Variants in PDE4D observed in about 807,000 individuals in gnomAD.
PDE4D encodes phosphodiesterase 4D.
PDE4D carries 24 observed loss-of-function variants against 87.4 expected under a neutral mutation model. The observed-to-expected ratio is 0.27, with a 90% CI of 0.20 to 0.39. The LOEUF (loss-of-function observed/expected upper bound fraction) is 0.39, where lower values mean the gene tolerates loss of function less well. Ranked by LOEUF, PDE4D falls within the 10% of genes least tolerant of loss-of-function variation. The pLI, the probability that PDE4D is intolerant of heterozygous loss-of-function variation, is 1.00. For missense variants in PDE4D, 714 were observed against 1,041.0 expected (o/e 0.69, Z 4.32); for synonymous variants, 384 against 383.2 (o/e 1.00, Z -0.02).
chr5:59,574,074 A>ATATATATT (rs1822475927), intron 1 of PDE4D, among the ~76,000 whole-genome samples: 6 of 16,160 alleles, frequency 3.7e-4, no homozygotes, highest in Admixed American at 1.4e-3. Context: ...ATATATATTT[A>ATATATATT]TATATATATT....
At chr5:59,837,748 AC>A (rs1349609375) in intron 1 of PDE4D, among the ~76,000 whole-genome samples, 23 of 152,086 alleles carry the variant, frequency 1.5e-4, no homozygotes, top group African/African-American at 5.3e-4. Context: ...CCAAGGACAT[AC>A]TAACAGATTC....
chr5:59,197,183 AAC>A (rs1336829517), intron 2 of PDE4D, among the ~76,000 whole-genome samples: 1 of 152,148 alleles, frequency 6.6e-6, no homozygotes, highest in African/African-American at 2.4e-5. Context: ...AATCTTTCAA[AAC>A]TCAAAAGGGT....
chr5:59,198,288 A>C (rs1745918659), intron 2 of PDE4D, among the ~76,000 whole-genome samples: 1 of 151,720 alleles, frequency 6.6e-6, no homozygotes. Flanking sequence ...TCAGAAAAAA[A>C]GTCATTTTGA....
chr5:60,165,460 G>A (rs1303044292), intron 2 of PDE4D, among the ~76,000 whole-genome samples: 2 of 152,014 alleles, frequency 1.3e-5, no homozygotes, highest in African/African-American at 2.4e-5. Flanking sequence ...CTCCAGCTTT[G>A]TGCTTTCTGC....
intron 1 of PDE4D, among the ~76,000 whole-genome samples, chr5:59,766,602 A>T (rs745675464): frequency 1.2e-4 from 19 of 152,328 alleles, no homozygotes; most frequent in Non-Finnish European, 2.2e-4. Flanking sequence ...CAATTTAGGA[A>T]CTGCAGTGAT....
chr5:59,472,262 C>G (rs1279364723), intron 1 of PDE4D, among the ~76,000 whole-genome samples: 1 of 152,134 alleles, frequency 6.6e-6, no homozygotes, highest in African/African-American at 2.4e-5. Context: ...TATTTGAAAT[C>G]ATACCACATA....
intron 1 of PDE4D, among the ~76,000 whole-genome samples, chr5:59,339,800 T>G (rs541374460): frequency 1.3e-5 from 2 of 152,328 alleles, no homozygotes; most frequent in South Asian, 4.1e-4. Context: ...AAAAGGTCAC[T>G]GAATTCAAAA....
intron 3 of PDE4D, among the ~76,000 whole-genome samples, chr5:59,189,700 A>T (rs946953428): frequency 3.9e-5 from 6 of 152,164 alleles, no homozygotes; most frequent in African/African-American, 1.4e-4. Flanking sequence ...CTCCAGTGGG[A>T]TTCCTCTCTA....
At chr5:60,477,496 A>G (rs1263388961) in intron 1 of PDE4D, among the ~76,000 whole-genome samples, 3 of 152,208 alleles carry the variant, frequency 2.0e-5, no homozygotes, top group Non-Finnish European at 2.9e-5. Flanking sequence ...CACAGTATGT[A>G]AAAGTTAAAT....
At chr5:59,509,377 G>A (rs1809866453) in intron 1 of PDE4D, among the ~76,000 whole-genome samples, 1 of 146,096 alleles carries the variant, frequency 6.8e-6, no homozygotes, top group Non-Finnish European at 1.5e-5. Flanking sequence ...AGTCACTAGA[G>A]AAACTTCTAA....
At chr5:59,614,699 C>T (rs1829441059) in intron 1 of PDE4D, among the ~76,000 whole-genome samples, 1 of 152,166 alleles carries the variant, frequency 6.6e-6, no homozygotes, top group Non-Finnish European at 1.5e-5. Context: ...TTCAGTGTGA[C>T]TTTCCTTTAA....
intron 1 of PDE4D, among the ~76,000 whole-genome samples, chr5:59,806,104 A>G (rs1467622422): frequency 6.6e-6 from 1 of 152,202 alleles, no homozygotes; most frequent in African/African-American, 2.4e-5. Flanking sequence ...AGCCAGTTCA[A>G]TAAACCACTG....
At chr5:59,591,445 C>G (rs1284439043) in intron 1 of PDE4D, among the ~76,000 whole-genome samples, 2 of 152,082 alleles carry the variant, frequency 1.3e-5, no homozygotes, top group African/African-American at 4.8e-5. Context: ...CATTGATTTT[C>G]CCTGAGTTTC....
chr5:59,863,033 G>A (rs774319241), intron 1 of PDE4D, among the ~76,000 whole-genome samples: 3 of 152,124 alleles, frequency 2.0e-5, no homozygotes, highest in African/African-American at 7.2e-5. Flanking sequence ...AACTCTTATC[G>A]TGTTCTTAAG....
intron 1 of PDE4D, among the ~76,000 whole-genome samples, chr5:60,215,131 T>C (rs1430143196): frequency 6.6e-6 from 1 of 152,190 alleles, no homozygotes; most frequent in East Asian, 1.9e-4. Flanking sequence ...TGTAGCGATT[T>C]CTATGATTCA....
chr5:59,681,629 G>A (rs552856320), intron 1 of PDE4D, among the ~76,000 whole-genome samples: 3 of 152,020 alleles, frequency 2.0e-5, no homozygotes, highest in Non-Finnish European at 4.4e-5. Context: ...GGCCAGGTGC[G>A]GTGGCTAAGG....
At chr5:59,393,083 A>G (rs1422330644) in intron 1 of PDE4D, among the ~76,000 whole-genome samples, 2 of 152,180 alleles carry the variant, frequency 1.3e-5, no homozygotes, top group African/African-American at 4.8e-5. Flanking sequence ...TCTAGACTGG[A>G]TAATTAGGAA....
At chr5:59,430,165 C>T in intron 1 of PDE4D, 1 of 796,890 alleles carries the variant, frequency 1.3e-6, no homozygotes, top group East Asian at 3.4e-5. Flanking sequence ...TCCCAACTAT[C>T]CAGTGTGTTG....
chr5:59,427,292 TACAC>T (rs60646746), intron 1 of PDE4D, among the ~76,000 whole-genome samples: 13,024 of 132,164 alleles, frequency 0.099, 641 homozygotes, highest in African/African-American at 0.15. Context: ...AGTGATTTTA[TACAC>T]ACACACACAC....
Sources: allele counts gnomAD v4.1 joint callset (sites outside exome capture counted in the v4.1 genomes callset), GRCh38; gene constraint gnomAD v4.1.1; transcripts MANE v1.5; gene names NCBI Gene and HGNC (gene_info 2026-07-23, HGNC 2026-07-21).